Variants in IGF1 observed in about 807,000 individuals in gnomAD.
IGF1 encodes the protein insulin-like growth factor 1.
In IGF1, 4 loss-of-function variants were observed where a neutral mutation model predicts 13.8. The observed-to-expected ratio is 0.29, with a 90% CI of 0.14 to 0.66. IGF1 has a LOEUF of 0.66. IGF1 is among the 30% of genes least tolerant of loss of function. The pLI is 0.78. For synonymous variants in IGF1, 76 were observed against 72.6 expected (o/e 1.05, Z -0.23); for missense variants, 124 against 188.5 (o/e 0.66, Z 2.00).
In IGF1 at chr12:102,402,586, A is replaced by T; in HGVS notation, c.403-20T>A. 1 of 780,554 alleles carries T rather than the reference A, an allele frequency of 1.3e-6. No homozygotes were observed. Among genetic ancestry groups the T allele is most frequent in the South Asian group, 1.3e-5 (1 of 74,616 alleles). The allele number at this position is 780,554 out of a possible 1,614,324, so 48.4% of individuals were successfully genotyped here. On this transcript the variant is annotated intron_variant, in intron 3 of 3. Transcript: ENST00000337514. ...TACTTCCTATAAATAAAGGAGAAAA[A>T]GTGACATTAACTTGATGAAGTTTTA...
At chr12:102,413,349 C>T (rs1479671008) in intron 3 of IGF1, among the ~76,000 whole-genome samples, 3 of 152,168 alleles carry the variant, frequency 2.0e-5, no homozygotes, top group Non-Finnish European at 4.4e-5. Flanking sequence ...TCTCATCTTG[C>T]CCAGTGGATG....
chr12:102,441,908 T>TGCTGCTGCTGCTTCTTCTTCC (rs1555244024), intron 2 of IGF1, among the ~76,000 whole-genome samples: 1 of 109,390 alleles, frequency 9.1e-6, no homozygotes, highest in Non-Finnish European at 1.9e-5. Flanking sequence ...ATTACACTGC[T>TGCTGCTGCTGCTTCTTCTTCC]TCTTCTCCTT....
chr12:102,450,065 G>A (rs1003208072), intron 2 of IGF1, among the ~76,000 whole-genome samples: 6 of 152,270 alleles, frequency 3.9e-5, no homozygotes, highest in Admixed American at 1.3e-4. Context: ...GGACTCTTCC[G>A]AATGGAGAAA....
At chr12:102,441,589 C>G (rs778951515) in intron 2 of IGF1, among the ~76,000 whole-genome samples, 1 of 152,158 alleles carries the variant, frequency 6.6e-6, no homozygotes, top group Non-Finnish European at 1.5e-5. Context: ...TACCCCAAAT[C>G]TTCAGAGCTC....
chr12:102,465,968 T>C (rs1417776036), intron 2 of IGF1, among the ~76,000 whole-genome samples: 2 of 149,662 alleles, frequency 1.3e-5, no homozygotes, highest in African/African-American at 2.5e-5. Flanking sequence ...AATAAATAAA[T>C]AAATAAATAA....
At chr12:102,459,645 A>T (rs1879741254) in intron 2 of IGF1, among the ~76,000 whole-genome samples, 1 of 152,152 alleles carries the variant, frequency 6.6e-6, no homozygotes, top group Non-Finnish European at 1.5e-5. Context: ...TTCCTGCTTT[A>T]CAAGGTCACC....
At chr12:102,426,634 T>C (rs1212629581) in intron 2 of IGF1, among the ~76,000 whole-genome samples, 1 of 152,250 alleles carries the variant, frequency 6.6e-6, no homozygotes, top group African/African-American at 2.4e-5. Flanking sequence ...TCAAGTCAAA[T>C]AAGGCGTATG....
chr12:102,408,112 G>A (rs1173158112), intron 3 of IGF1, among the ~76,000 whole-genome samples: 1 of 152,172 alleles, frequency 6.6e-6, no homozygotes, highest in African/African-American at 2.4e-5. Context: ...GCAGCTTATT[G>A]TACAGCATAA....
At chr12:102,425,645 C>T (rs1425559219) in intron 2 of IGF1, among the ~76,000 whole-genome samples, 3 of 152,208 alleles carry the variant, frequency 2.0e-5, no homozygotes, top group African/African-American at 7.2e-5. Context: ...GAATGCTATT[C>T]AGCTCACCTT....
At chr12:102,472,261 G>A (rs551372572) in intron 2 of IGF1, among the ~76,000 whole-genome samples, 2 of 152,170 alleles carry the variant, frequency 1.3e-5, no homozygotes, top group African/African-American at 4.8e-5. Context: ...ATTTATGATG[G>A]GATAATGTTC....
intron 2 of IGF1, among the ~76,000 whole-genome samples, chr12:102,429,830 CT>C (rs1402112451): frequency 6.6e-6 from 1 of 152,202 alleles, no homozygotes; most frequent in Non-Finnish European, 1.5e-5. Flanking sequence ...AGGCAATGGC[CT>C]TTTGGCCTTC....
intron 2 of IGF1, among the ~76,000 whole-genome samples, chr12:102,470,439 C>T (rs1294027022): frequency 6.6e-6 from 1 of 152,118 alleles, no homozygotes; most frequent in African/African-American, 2.4e-5. Context: ...CTTAGTGGTC[C>T]TATGGTTGCA....
intron 2 of IGF1, among the ~76,000 whole-genome samples, chr12:102,446,154 G>A (rs1364853449): frequency 6.6e-6 from 1 of 152,190 alleles, no homozygotes; most frequent in Non-Finnish European, 1.5e-5. Flanking sequence ...TCATATTGAT[G>A]TTCATCAGGG....
intron 2 of IGF1, among the ~76,000 whole-genome samples, chr12:102,420,606 A>G (rs550735394): frequency 6.6e-6 from 1 of 152,064 alleles, no homozygotes; most frequent in Non-Finnish European, 1.5e-5. Context: ...TACAATACCA[A>G]TCTAGTAGGG....
At position 102,456,732 on chromosome 12, in the gene IGF1, A is replaced by G. The variant is rs1300167028; in HGVS notation, c.220+18911T>C. Among the ~76,000 whole-genome samples, 3 of 152,192 alleles carry G rather than the reference A, an allele frequency of 2.0e-5. No individual in the cohort carries two copies. In the East Asian group the frequency reaches 5.8e-4, roughly 29 times the overall value. On this transcript the variant is annotated intron_variant, in intron 2 of 3. Coordinates refer to ENST00000337514, the MANE Select transcript of IGF1 (RefSeq NM_000618.5). ...CGGAATGTGAAAAGTACTGACCAATATTACAGCAATTCCTACATTTGCCCT... is the reference window on the plus strand; with the variant it reads ...CGGAATGTGAAAAGTACTGACCAATGTTACAGCAATTCCTACATTTGCCCT...
chr12:102,413,131 G>A (rs752304857), intron 3 of IGF1, among the ~76,000 whole-genome samples: 1 of 152,192 alleles, frequency 6.6e-6, no homozygotes, highest in Non-Finnish European at 1.5e-5. Flanking sequence ...ATTGAGGTGA[G>A]CATACAAACT....
chr12:102,472,194 G>C (rs899895251), intron 2 of IGF1, among the ~76,000 whole-genome samples: 1 of 152,074 alleles, frequency 6.6e-6, no homozygotes, highest in Non-Finnish European at 1.5e-5. Flanking sequence ...TCTTCATTGG[G>C]TCTTTCATTT....
At chr12:102,417,753 T>C (rs1565968559) in intron 3 of IGF1, 1 of 1,602,048 alleles carries the variant, frequency 6.2e-7, no homozygotes, top group Non-Finnish European at 8.5e-7. Flanking sequence ...ATTTTCTGCT[T>C]TTCATTCTTG....
In IGF1 at chr12:102,429,174, G is replaced by C. The variant is rs538739992; in HGVS notation, c.221-9484C>G. Among the ~76,000 whole-genome samples the C allele has an allele frequency of 5.3e-5, 8 of 151,894 alleles. No homozygotes were observed. In the East Asian group the frequency reaches 1.5e-3, roughly 29 times the overall value. On this transcript the variant is annotated intron_variant, in intron 2 of 3. Coordinates refer to ENST00000337514, the MANE Select transcript of IGF1 (RefSeq NM_000618.5). ...GACTGAGGCTGAATGGTTCATTTAG[G>C]GTGTGATAACATTATTTCAGGAATT...
Sources: gnomAD v4.1 joint callset for allele counts (sites outside exome capture counted in the v4.1 genomes callset) on GRCh38, gnomAD v4.1.1 for gene constraint, MANE v1.5 for transcripts, NCBI Gene and HGNC (gene_info 2026-07-23, HGNC 2026-07-21) for gene names.